NSD2: variants seen among roughly 807,000 people sequenced by gnomAD.
The protein encoded by NSD2 is nuclear receptor binding SET domain protein 2.
A neutral mutation model predicts 139.0 loss-of-function variants in NSD2; 12 were observed. That is an observed-to-expected ratio of 0.09 (90% CI 0.06 to 0.14). NSD2 has a LOEUF of 0.14. Ranked by LOEUF, NSD2 falls within the 10% of genes least tolerant of loss-of-function variation. The probability of loss-of-function intolerance (pLI) is 1.00; values close to 1 mark genes in which losing one functional copy is unlikely to be tolerated. For synonymous variants in NSD2, 669 were observed against 648.7 expected (o/e 1.03, Z -0.48); for missense variants, 1,155 against 1,745.0 (o/e 0.66, Z 6.02).
At chr4:1,891,904 A>C (rs1380307570) in intron 1 of NSD2, among the ~76,000 whole-genome samples, 1 of 151,572 alleles carries the variant, frequency 6.6e-6, no homozygotes, top group Non-Finnish European at 1.5e-5. Flanking sequence ...AAAAAACGAA[A>C]AACCTCACCA....
At chr4:1,900,542 A>G (rs1173360167) in intron 1 of NSD2, 84 bp from the exon 2 acceptor site, 8 of 862,454 alleles carry the variant, frequency 9.3e-6, no homozygotes, top group African/African-American at 3.4e-5. Flanking sequence ...AGACCCCACA[A>G]AGCTGTAGAG....
chr4:1,978,570 C>T (rs1014278947), intron 21 of NSD2, 68 bp from the exon 22 acceptor site: 27 of 1,542,576 alleles, frequency 1.8e-5, no homozygotes, highest in Non-Finnish European at 2.1e-5. Flanking sequence ...AAGTCATCTT[C>T]AACCACGATA....
In NSD2 at chr4:1,908,772, G is replaced by A. The variant is rs146556261; in HGVS notation, c.760+4394G>A. On this transcript the variant is annotated intron_variant, in intron 3 of 21. Coordinates refer to ENST00000508803, the MANE Select transcript of NSD2 (RefSeq NM_001042424.3). ...GCTTGTAGTCTGTCCCAACAGTGTA[G>A]CTTTTGTTGTTGTTGTTTTGAGATA... Among the ~76,000 whole-genome samples, 47 of 152,150 alleles carry A rather than the reference G, an allele frequency of 3.1e-4. 1 individual carries two copies. The highest frequency in any genetic ancestry group is 1.0e-3 in the African/African-American group (42 of 41,442).
At position 1,948,353 on chromosome 4, in the gene NSD2, C is replaced by A; in HGVS notation, c.1882-2719C>A. ...ACTGAGATTTGGGACTATGTTGGGACCGTACAGGTGAATGTGCCACCTCCA... is the reference window on the plus strand; with the variant it reads ...ACTGAGATTTGGGACTATGTTGGGAACGTACAGGTGAATGTGCCACCTCCA... On this transcript the variant is annotated intron_variant, in intron 9 of 21. Transcript: ENST00000508803. The surrounding 1 kb of genome is among the most constrained non-coding windows in gnomAD (Gnocchi z 4.5). 1 of 1,066,090 alleles carries A rather than the reference C, an allele frequency of 9.4e-7. No homozygotes were observed. The highest frequency in any genetic ancestry group is 1.1e-6 in the Non-Finnish European group (1 of 878,786). 66.0% of individuals were successfully genotyped at this position (1,066,090 alleles called of 1,614,324 possible).
chr4:1,948,701 T>C lies in NSD2; in HGVS notation c.1882-2371T>C. 2.8e-6 allele frequency: 3 copies of C among 1,053,944 alleles called. No individual in the cohort carries two copies. The highest frequency in any genetic ancestry group is 3.4e-6 in the Non-Finnish European group (3 of 871,090). The allele number at this position is 1,053,944 out of a possible 1,614,324, so 65.3% of individuals were successfully genotyped here. On this transcript the variant is annotated intron_variant, in intron 9 of 21. Transcript: ENST00000508803. This position sits in a 1 kb window ranked among gnomAD's most constrained non-coding sequence, Gnocchi z 4.5. ...AACATTTATATATTTCCATTCAAAA[T>C]ATGTATTCAGTGTTTATTTCCTCAA...
At position 1,955,652 on chromosome 4, in the gene NSD2, G is replaced by T; in HGVS notation, c.2519-41G>T. The T allele has an allele frequency of 6.3e-7, 1 of 1,579,144 alleles. No homozygotes were observed. Among genetic ancestry groups the T allele is most frequent in the Non-Finnish European group, 8.6e-7 (1 of 1,161,092 alleles). On this transcript the variant is annotated intron_variant, in intron 13 of 21. Transcript: ENST00000508803. This position sits in a 1 kb window ranked among gnomAD's most constrained non-coding sequence, Gnocchi z 4.7. The stretch of plus-strand genomic sequence containing the variant: ...AGCACTGAATCTGGGCTGAGCCATA[G>T]CAGACAGGCTAAGCCTGGCCGCCTC...
intron 21 of NSD2, 123 bp from the exon 22 acceptor site, chr4:1,978,515 C>A (rs538752170): frequency 3.6e-6 from 5 of 1,386,424 alleles, no homozygotes; most frequent in Non-Finnish European, 4.9e-6. Context: ...CCGTCCTGTT[C>A]GCTGGAGCCA....
In NSD2 at chr4:1,920,348, G is replaced by A. The variant is rs1041760185; in HGVS notation, c.1410+1725G>A. ...GCTTGTAATCCCAGCTACTCAGGAG[G>A]CTGAGGCAGGAGAATCACTTGAACC... On this transcript the variant is annotated intron_variant, in intron 5 of 21. Coordinates refer to ENST00000508803, the MANE Select transcript of NSD2 (RefSeq NM_001042424.3). Among the ~76,000 whole-genome samples, 3 of 152,076 alleles carry A rather than the reference G, an allele frequency of 2.0e-5. No individual in the cohort carries two copies. The East Asian group carries it at 5.8e-4, about 29-fold the overall frequency.
intron 3 of NSD2, chr4:1,912,147 G>A: frequency 2.6e-6 from 1 of 378,526 alleles, no homozygotes; most frequent in Middle Eastern, 3.6e-4. Flanking sequence ...TGTACTGAAA[G>A]ATTAATAGTG....
In NSD2 at chr4:1,958,861, A is replaced by G. The variant is rs1725091156; in HGVS notation, c.2986-610A>G. On this transcript the variant is annotated intron_variant, in intron 16 of 21. Coordinates refer to ENST00000508803, the MANE Select transcript of NSD2 (RefSeq NM_001042424.3). The surrounding 1 kb of genome is among the most constrained non-coding windows in gnomAD (Gnocchi z 4.6). ...TTTGTCATACCACAGCAGTGAAAAGAGTGTCTTTCGCCACCTCTTCCCTAA... is the reference window on the plus strand; with the variant it reads ...TTTGTCATACCACAGCAGTGAAAAGGGTGTCTTTCGCCACCTCTTCCCTAA... Among the ~76,000 whole-genome samples the G allele has an allele frequency of 6.6e-6, 1 of 152,212 alleles. No individual in the cohort carries two copies. Among genetic ancestry groups the G allele is most frequent in the Non-Finnish European group, 1.5e-5 (1 of 68,048 alleles).
In NSD2 at chr4:1,938,547, G is replaced by A. The variant is rs201126604; in HGVS notation, c.1756+15G>A. 2.1e-5 allele frequency: 32 copies of A among 1,525,136 alleles called. No homozygotes were observed. Among genetic ancestry groups the A allele is most frequent in the African/African-American group, 2.8e-5 (2 of 70,796 alleles). 94.5% of individuals were successfully genotyped at this position (1,525,136 alleles called of 1,614,324 possible). A position where few individuals can be genotyped will look rare whatever the true frequency, so the allele number is the denominator to read the frequency against. Reference sequence around the variant, plus strand: ...GAGCCAGGCAGGTAATGTGGTCAGCGCCCTTTCCTTCTTGGCTTCTGGGTG... The same window carrying A: ...GAGCCAGGCAGGTAATGTGGTCAGCACCCTTTCCTTCTTGGCTTCTGGGTG... On this transcript the variant is annotated intron_variant, in intron 8 of 21. Transcript: ENST00000508803.
At chr4:1,880,936 AATT>A (rs1250288537) in intron 1 of NSD2, among the ~76,000 whole-genome samples, 2 of 152,098 alleles carry the variant, frequency 1.3e-5, no homozygotes, top group African/African-American at 4.8e-5. Context: ...ATTATTGAGG[AATT>A]ATTTTTATTT....
chr4:1,938,645 A>AG, intron 8 of NSD2, 113 bp downstream of exon 8: 1 of 790,318 alleles, frequency 1.3e-6, no homozygotes, highest in Non-Finnish European at 2.0e-6. Context: ...GGAACAGGGC[A>AG]GGGGAGGAAT....
intron 1 of NSD2, among the ~76,000 whole-genome samples, chr4:1,895,195 C>T (rs901584574): frequency 1.7e-4 from 26 of 152,288 alleles, no homozygotes; most frequent in African/African-American, 5.3e-4. Flanking sequence ...TGATGGGTTA[C>T]GTCTACCTTT....
intron 9 of NSD2, among the ~76,000 whole-genome samples, chr4:1,949,606 C>T (rs750198137): frequency 6.6e-6 from 1 of 152,076 alleles, no homozygotes; most frequent in Non-Finnish European, 1.5e-5. Context: ...ACTAAAAATA[C>T]AAAAAATTTA....
chr4:1,952,898 C>T (rs1724427871), intron 11 of NSD2: 2 of 1,389,590 alleles, frequency 1.4e-6, no homozygotes, highest in Non-Finnish European at 1.9e-6. Context: ...TGGAGAGTCT[C>T]CCAGGCCATG....
intron 18 of NSD2, among the ~76,000 whole-genome samples, chr4:1,964,643 T>TA (rs1280333626): frequency 1.3e-5 from 2 of 152,048 alleles, no homozygotes; most frequent in Non-Finnish European, 2.9e-5. Flanking sequence ...CTGCCGTTGT[T>TA]ATCACACCTC....
intron 9 of NSD2, chr4:1,944,283 C>T (rs1723396731): frequency 5.6e-6 from 6 of 1,066,080 alleles, no homozygotes; most frequent in South Asian, 4.6e-5. Flanking sequence ...TGGGTGGAAA[C>T]GGCTCTTGTT....
chr4:1,940,656 G>A, intron 9 of NSD2: 5 of 1,061,814 alleles, frequency 4.7e-6, no homozygotes, highest in Non-Finnish European at 5.7e-6. Flanking sequence ...TTTATGAGGA[G>A]ATGATAACTG....
Sources: gnomAD v4.1 joint callset for allele counts (sites outside exome capture counted in the v4.1 genomes callset) on GRCh38, gnomAD v4.1.1 for gene constraint, Gnocchi (gnomAD v3.1) non-coding constraint, MANE v1.5 for transcripts, NCBI Gene and HGNC (gene_info 2026-07-23, HGNC 2026-07-21) for gene names.